PLXNA4: variants seen among roughly 807,000 people sequenced by gnomAD.
PLXNA4 encodes the protein plexin A4.
A neutral mutation model predicts 191.8 loss-of-function variants in PLXNA4; 44 were observed. That is an observed-to-expected ratio of 0.23 (90% CI 0.18 to 0.29). The LOEUF (loss-of-function observed/expected upper bound fraction) is 0.29. Among genes scored for constraint, PLXNA4 ranks in the 10% least tolerant of loss-of-function variants. The pLI is 1.00. For synonymous variants in PLXNA4, 1,082 were observed against 1,009.5 expected (o/e 1.07, Z -1.36); for missense variants, 1,800 against 2,488.8 (o/e 0.72, Z 5.89).
intron 3 of PLXNA4, among the ~76,000 whole-genome samples, chr7:132,310,748 T>C (rs1293715610): frequency 1.3e-5 from 2 of 152,230 alleles, no homozygotes; most frequent in Non-Finnish European, 2.9e-5. Context: ...CTGCTCTCCC[T>C]ACTGGGCTCT....
At chr7:132,406,346 T>G (rs1794219182) in intron 3 of PLXNA4, among the ~76,000 whole-genome samples, 1 of 152,214 alleles carries the variant, frequency 6.6e-6, no homozygotes, top group South Asian at 2.1e-4. Context: ...TTCTTCAAAA[T>G]TGGAGTCAGT....
intron 2 of PLXNA4, among the ~76,000 whole-genome samples, chr7:132,607,557 A>T (rs1226878716): frequency 1.3e-5 from 2 of 152,236 alleles, no homozygotes; most frequent in Non-Finnish European, 2.9e-5. Flanking sequence ...CCTTTGACAG[A>T]AGCACCTTAA....
At chr7:132,251,015 T>C (rs1049749233) in intron 4 of PLXNA4, among the ~76,000 whole-genome samples, 1 of 150,912 alleles carries the variant, frequency 6.6e-6, no homozygotes, top group Non-Finnish European at 1.5e-5. Flanking sequence ...GAAGGGGCTG[T>C]TGTCCTGGGG....
rs750750256 is a variant in PLXNA4, at chr7:132,125,311, C to CCAT, written c.*5165_*5167dup. On this transcript the variant is annotated 3_prime_UTR_variant, in exon 32 of 32. Transcript: ENST00000321063. ...GGCAGGAGGCGGTAGGAGAAGGACT[C>CCAT]CATCTGTCAAAAGTGTGGGGAAGCA... The CCAT allele has an allele frequency of 2.0e-5, 3 of 152,220 alleles. No individual in the cohort carries two copies. The East Asian group carries it at 5.8e-4, about 29-fold the overall frequency. The allele number at this position is 152,220 out of a possible 1,614,324, so 9.4% of individuals were successfully genotyped here.
At chr7:132,311,027 G>T (rs755030925) in intron 3 of PLXNA4, among the ~76,000 whole-genome samples, 8 of 152,176 alleles carry the variant, frequency 5.3e-5, no homozygotes, top group Non-Finnish European at 1.2e-4. Flanking sequence ...TGGCAGAAAT[G>T]ATGGAGTTTC....
chr7:132,203,571 C>T, intron 10 of PLXNA4, 152 bp from the exon 11 acceptor site: 1 of 665,620 alleles, frequency 1.5e-6, no homozygotes. Flanking sequence ...TGTGTGCATA[C>T]AAGTATGCAC....
At chr7:132,152,552 G>A (rs1003633325) in intron 25 of PLXNA4, among the ~76,000 whole-genome samples, 6 of 152,278 alleles carry the variant, frequency 3.9e-5, no homozygotes, top group Non-Finnish European at 4.4e-5. Flanking sequence ...GGCTCCTTCT[G>A]TCTTGCCTAT....
At chr7:132,489,859 G>A (rs908868781) in intron 2 of PLXNA4, among the ~76,000 whole-genome samples, 6 of 152,206 alleles carry the variant, frequency 3.9e-5, no homozygotes, top group Admixed American at 1.3e-4. Context: ...GCTCCAGGCC[G>A]CTCTGCTCAG....
At chr7:132,160,271 T>G (rs533734948) in intron 24 of PLXNA4, among the ~76,000 whole-genome samples, 70 of 152,318 alleles carry the variant, frequency 4.6e-4, no homozygotes, top group African/African-American at 1.6e-3. Flanking sequence ...CTTTAAAGAT[T>G]GCAGGTTCAG....
intron 15 of PLXNA4, among the ~76,000 whole-genome samples, chr7:132,187,056 T>A (rs1431195910): frequency 6.6e-6 from 1 of 152,014 alleles, no homozygotes; most frequent in East Asian, 1.9e-4. Context: ...CCCAGACCAG[T>A]AACGTGGCTC....
At chr7:132,311,193 T>TGTGTGTGTGTGTGTGCGC (rs71178034) in intron 3 of PLXNA4, among the ~76,000 whole-genome samples, 1,035 of 89,848 alleles carry the variant, frequency 0.012, 7 homozygotes, top group Admixed American at 0.019. Context: ...TGTGTGTGTG[T>TGTGTGTGTGTGTGTGCGC]GCGCGTGTGG....
intron 30 of PLXNA4, among the ~76,000 whole-genome samples, chr7:132,139,775 T>A (rs116401661): frequency 6.8e-4 from 104 of 152,356 alleles, no homozygotes; most frequent in African/African-American, 2.5e-3. Context: ...GTTCTTTAAA[T>A]CATCTTGGGC....
chr7:132,298,013 C>G, intron 4 of PLXNA4, 78 bp downstream of exon 4: 2 of 1,562,280 alleles, frequency 1.3e-6, no homozygotes, highest in Non-Finnish European at 1.8e-6. Flanking sequence ...CTGCAGCTGG[C>G]CTCCTAAGGT....
At chr7:132,414,167 A>T (rs1563085349) in intron 3 of PLXNA4, among the ~76,000 whole-genome samples, 1 of 152,228 alleles carries the variant, frequency 6.6e-6, no homozygotes, top group Non-Finnish European at 1.5e-5. Context: ...CCTTGTAAGG[A>T]CATGAGTCCA....
At chr7:132,463,812 T>C (rs1447905956) in intron 3 of PLXNA4, among the ~76,000 whole-genome samples, 4 of 152,172 alleles carry the variant, frequency 2.6e-5, no homozygotes, top group African/African-American at 9.7e-5. Flanking sequence ...TGAGCAGACA[T>C]CTTATTCCTT....
intron 1 of PLXNA4, among the ~76,000 whole-genome samples, chr7:132,647,283 A>G (rs992643388): frequency 6.6e-6 from 1 of 151,572 alleles, no homozygotes; most frequent in African/African-American, 2.4e-5. Context: ...ATATACATTC[A>G]CAAACCCACA....
At chr7:132,522,035 AAG>A (rs1420775594) in intron 1 of PLXNA4, among the ~76,000 whole-genome samples, 1 of 152,156 alleles carries the variant, frequency 6.6e-6, no homozygotes, top group Non-Finnish European at 1.5e-5. Flanking sequence ...TCCATGGGGA[AAG>A]AGAGGCCATG....
chr7:132,592,499 G>A (rs1382166164), intron 2 of PLXNA4, among the ~76,000 whole-genome samples: 1 of 145,724 alleles, frequency 6.9e-6, no homozygotes, highest in East Asian at 2.0e-4. Context: ...GTGGGCCATT[G>A]TTCATTTATT....
At chr7:132,204,435 G>A (rs780205360) in intron 10 of PLXNA4, among the ~76,000 whole-genome samples, 8 of 152,238 alleles carry the variant, frequency 5.3e-5, no homozygotes, top group Non-Finnish European at 1.0e-4. Context: ...GGGGCAGGAT[G>A]GAAGAATGGA....
Sources: gnomAD v4.1 joint callset for allele counts (sites outside exome capture counted in the v4.1 genomes callset) on GRCh38, gnomAD v4.1.1 for gene constraint, MANE v1.5 for transcripts, NCBI Gene and HGNC (gene_info 2026-07-23, HGNC 2026-07-21) for gene names.